The following STXBP4 variants were observed in gnomAD, a reference collection of about 807,000 sequenced individuals.
STXBP4 encodes the protein syntaxin binding protein 4.
A neutral mutation model predicts 76.1 loss-of-function variants in STXBP4; 55 were observed. That is an observed-to-expected ratio of 0.72 (90% CI 0.58 to 0.91). The LOEUF (loss-of-function observed/expected upper bound fraction) is 0.91. STXBP4 is among the 40% of genes least tolerant of loss of function. STXBP4 has a pLI of 0.00. For missense variants in STXBP4, 618 were observed against 636.9 expected (o/e 0.97, Z 0.32); for synonymous variants, 201 against 220.2 (o/e 0.91, Z 0.77).
At chr17:55,190,335 A>G in the STXBP4 span, among the ~76,000 whole-genome samples, 10 of 152,186 alleles carry the variant, frequency 6.6e-5, no homozygotes, top group Admixed American at 2.0e-4. Context: ...CCAGGGAAGC[A>G]TAGGGGTGCA....
rs535928311 is a variant in STXBP4 at position 55,057,362 on chromosome 17, A to G, written c.1011+10208A>G. Among the ~76,000 whole-genome samples, 48 of 152,302 alleles carry G rather than the reference A, an allele frequency of 3.2e-4. 1 individual carries two copies. The highest frequency in any genetic ancestry group is 1.2e-3 in the Admixed American group (18 of 15,294). ...TTAACAGTTTTATAAACTACTGATG[A>G]CTCAATTTACGTGCGTATACTAAAC... is the stretch of plus-strand genomic sequence containing the variant. On this transcript the variant is annotated intron_variant, in intron 12 of 17. Coordinates refer to ENST00000376352, the MANE Select transcript of STXBP4 (RefSeq NM_178509.6).
chr17:55,039,633 G>T (rs992457175), intron 10 of STXBP4, among the ~76,000 whole-genome samples: 1 of 151,750 alleles, frequency 6.6e-6, no homozygotes, highest in African/African-American at 2.4e-5. Flanking sequence ...AGAAAGGAAA[G>T]AAGTTATAGA....
At chr17:54,998,240 T>C (rs1364706722) in intron 4 of STXBP4, among the ~76,000 whole-genome samples, 2 of 152,200 alleles carry the variant, frequency 1.3e-5, no homozygotes, top group Non-Finnish European at 2.9e-5. Context: ...TAAAGAAAGA[T>C]GTTTTCTTGA....
chr17:55,132,567 AGGTATTTGTATAAATATAGATACTT>A (rs1401139988), intron 16 of STXBP4, among the ~76,000 whole-genome samples: 1 of 152,212 alleles, frequency 6.6e-6, no homozygotes, highest in Non-Finnish European at 1.5e-5. Context: ...ATTGAATAGT[AGGTATTTGTATAAATATAGATACTT>A]GGTAAACATT....
At chr17:55,185,681 G>A in the STXBP4 span, among the ~76,000 whole-genome samples, 1 of 152,084 alleles carries the variant, frequency 6.6e-6, no homozygotes. Context: ...ATGAGTACTG[G>A]GCAGTGACAT....
chr17:55,025,543 A>G (rs996855063), intron 8 of STXBP4, among the ~76,000 whole-genome samples: 7 of 152,318 alleles, frequency 4.6e-5, no homozygotes, highest in African/African-American at 1.7e-4. Context: ...CTTTTACGTG[A>G]TGGTCTCAAT....
At chr17:55,110,141 A>G (rs1183074873) in intron 16 of STXBP4, among the ~76,000 whole-genome samples, 1 of 152,156 alleles carries the variant, frequency 6.6e-6, no homozygotes, top group Non-Finnish European at 1.5e-5. Context: ...CCATCTTAAA[A>G]GCTAGCAGTG....
chr17:55,154,357 C>G (rs1412270802), intron 17 of STXBP4, among the ~76,000 whole-genome samples: 1 of 152,200 alleles, frequency 6.6e-6, no homozygotes, highest in Non-Finnish European at 1.5e-5. Context: ...GCAGCTGCCA[C>G]CTGGCAGCAA....
Position 55,141,308 on chromosome 17 carries a change from A to G in STXBP4, c.1490-2A>G. ...TATATTTTTGGTTTCCTTTCACTGT[A>G]GGTTTACCTTATGGGTGGGAGGAAG... is the stretch of plus-strand genomic sequence containing the variant. On this transcript the variant is annotated splice_acceptor_variant, in intron 16 of 17. Transcript: ENST00000376352. LOFTEE classifies it high-confidence loss of function. 3.1e-6 allele frequency: 5 copies of G among 1,610,628 alleles called. No homozygotes were observed. Among genetic ancestry groups the G allele is most frequent in the Non-Finnish European group, 4.2e-6 (5 of 1,178,162 alleles).
intron 8 of STXBP4, among the ~76,000 whole-genome samples, chr17:55,020,116 CT>C (rs2078281576): frequency 6.6e-6 from 1 of 152,106 alleles, no homozygotes; most frequent in Non-Finnish European, 1.5e-5. Context: ...CTTTAATTCT[CT>C]TTATTATCTG....
chr17:55,051,080 A>G (rs1051050211), intron 12 of STXBP4, among the ~76,000 whole-genome samples: 5 of 152,180 alleles, frequency 3.3e-5, no homozygotes, highest in African/African-American at 1.2e-4. Flanking sequence ...GATAAACTAC[A>G]CAGCAATGAA....
chr17:55,065,576 A>C (rs1455452492), intron 12 of STXBP4, among the ~76,000 whole-genome samples: 1 of 151,970 alleles, frequency 6.6e-6, no homozygotes, highest in Non-Finnish European at 1.5e-5. Context: ...CAATACTATA[A>C]ATTTTCCCTT....
intron 16 of STXBP4, among the ~76,000 whole-genome samples, chr17:55,113,394 A>C (rs1021338659): frequency 6.6e-6 from 1 of 152,160 alleles, no homozygotes; most frequent in Non-Finnish European, 1.5e-5. Flanking sequence ...AAAAGAAAAA[A>C]GGTATGGGAA....
intron 1 of STXBP4, among the ~76,000 whole-genome samples, chr17:54,970,046 C>T (rs2077369183): frequency 6.6e-6 from 1 of 152,120 alleles, no homozygotes; most frequent in Non-Finnish European, 1.5e-5. Flanking sequence ...GCTACCTACT[C>T]AATAACAATT....
intron 15 of STXBP4, among the ~76,000 whole-genome samples, chr17:55,080,266 G>A (rs996445557): frequency 1.3e-5 from 2 of 152,138 alleles, no homozygotes; most frequent in African/African-American, 2.4e-5. Flanking sequence ...AGTAAAAACT[G>A]GTGCAGTCAT....
rs963500006 is a variant in STXBP4 at position 54,974,669 on chromosome 17, A to G, written c.-157+5854A>G. ...AAGCCCCCAAATTGGGGCTTAGCCC[A>G]GGAGGGTTCTTGGCTTGGCCTAGAA... On this transcript the variant is annotated intron_variant, in intron 1 of 17. Transcript: ENST00000376352. Among the ~76,000 whole-genome samples the G allele has an allele frequency of 1.3e-5, 2 of 152,334 alleles. 1 individual carries two copies. The highest frequency in any genetic ancestry group is 4.1e-4 in the South Asian group (2 of 4,830).
At chr17:55,052,374 T>TA (rs1822923265) in intron 12 of STXBP4, among the ~76,000 whole-genome samples, 1 of 152,170 alleles carries the variant, frequency 6.6e-6, no homozygotes, top group Non-Finnish European at 1.5e-5. Context: ...TATTGCAGAC[T>TA]ATAGAAGAAA....
intron 8 of STXBP4, among the ~76,000 whole-genome samples, chr17:55,012,496 GT>G (rs1206620968): frequency 5.9e-5 from 9 of 151,790 alleles, no homozygotes; most frequent in Non-Finnish European, 8.8e-5. Flanking sequence ...ACCTCTTTAG[GT>G]TTCTGTACTG....
At chr17:55,090,634 C>G (rs1210890119) in intron 16 of STXBP4, among the ~76,000 whole-genome samples, 1 of 152,016 alleles carries the variant, frequency 6.6e-6, no homozygotes, top group Non-Finnish European at 1.5e-5. Context: ...TATATACACA[C>G]ACATCTCATT....
Sources: gnomAD v4.1 joint callset for allele counts (sites outside exome capture counted in the v4.1 genomes callset) on GRCh38, gnomAD v4.1.1 for gene constraint, MANE v1.5 for transcripts, NCBI Gene and HGNC (gene_info 2026-07-23, HGNC 2026-07-21) for gene names.